The following FBXO4 variants were observed in gnomAD, a reference collection of about 807,000 sequenced individuals.
FBXO4 encodes the protein F-box protein 4.
A neutral mutation model predicts 43.7 loss-of-function variants in FBXO4; 36 were observed. That is an observed-to-expected ratio of 0.82 (90% confidence interval 0.63 to 1.09). FBXO4 has a LOEUF of 1.09. FBXO4 is among the 50% of genes least tolerant of loss of function. The pLI is 0.00. For synonymous variants in FBXO4, 180 were observed against 165.6 expected (o/e 1.09, Z -0.67); for missense variants, 435 against 474.1 (o/e 0.92, Z 0.77).
chr5:41,954,762 G>A, the FBXO4 span, among the ~76,000 whole-genome samples: 1 of 152,144 alleles, frequency 6.6e-6, no homozygotes, highest in African/African-American at 2.4e-5. Context: ...CTGAAGTGAA[G>A]GGGGTATATC....
chr5:41,926,202 CA>C (rs1300266495), intron 1 of FBXO4, among the ~76,000 whole-genome samples: 1 of 152,158 alleles, frequency 6.6e-6, no homozygotes, highest in African/African-American at 2.4e-5. Flanking sequence ...GTGAAAGCTG[CA>C]GGTTTAGAAT....
chr5:41,979,141 GC>G, the FBXO4 span, among the ~76,000 whole-genome samples: 1 of 152,118 alleles, frequency 6.6e-6, no homozygotes, highest in Non-Finnish European at 1.5e-5. Context: ...TTAGTTTGTG[GC>G]CCACTACTCT....
intron 2 of FBXO4, among the ~76,000 whole-genome samples, chr5:41,927,601 T>C (rs1751548908): frequency 6.6e-6 from 1 of 152,226 alleles, no homozygotes; most frequent in Non-Finnish European, 1.5e-5. Flanking sequence ...CCCTGTTGTT[T>C]GGCAGGGAAG....
chr5:41,932,179 C>A (rs994506175), intron 3 of FBXO4, among the ~76,000 whole-genome samples: 2 of 152,110 alleles, frequency 1.3e-5, no homozygotes, highest in Non-Finnish European at 2.9e-5. Context: ...TTTAAAATTT[C>A]AATTTATGGC....
At chr5:41,977,032 G>A in the FBXO4 span, among the ~76,000 whole-genome samples, 4 of 152,146 alleles carry the variant, frequency 2.6e-5, no homozygotes, top group African/African-American at 9.7e-5. Context: ...GCTGTACCTG[G>A]GTCCTGTTGA....
chr5:42,003,852 T>C, the FBXO4 span, among the ~76,000 whole-genome samples: 2 of 152,128 alleles, frequency 1.3e-5, no homozygotes, highest in Admixed American at 6.6e-5. Flanking sequence ...AAATACCATG[T>C]GACCCAGCGA....
chr5:41,967,109 G>T, the FBXO4 span: 13 of 294,592 alleles, frequency 4.4e-5, no homozygotes, highest in Non-Finnish European at 8.2e-5. Flanking sequence ...GGCTTGAAGT[G>T]CTTTTGGTGA....
the FBXO4 span, among the ~76,000 whole-genome samples, chr5:41,979,277 C>T: frequency 8.5e-5 from 13 of 152,176 alleles, no homozygotes; most frequent in Non-Finnish European, 5.9e-5. Context: ...TTCTTCAGTA[C>T]TCCAGAGGTC....
intron 3 of FBXO4, 117 bp from the exon 4 acceptor site, chr5:41,933,829 A>G (rs1193831062): frequency 2.8e-6 from 2 of 706,586 alleles, no homozygotes; most frequent in East Asian, 2.6e-5. Context: ...AACTCTATGT[A>G]TAAGTTGTTA....
chr5:42,006,887 G>GATATATATATAT, the FBXO4 span, among the ~76,000 whole-genome samples: 2,955 of 78,834 alleles, frequency 0.037, 177 homozygotes, highest in Middle Eastern at 0.051. Context: ...GGTTCATGCT[G>GATATATATATAT]ATATATATAT....
chr5:41,998,408 A>C, the FBXO4 span, among the ~76,000 whole-genome samples: 1 of 152,172 alleles, frequency 6.6e-6, no homozygotes, highest in Non-Finnish European at 1.5e-5. Flanking sequence ...TAAAGTCACT[A>C]ATCCACTCCA....
chr5:41,936,896 G>GT (rs1012766447), intron 5 of FBXO4, among the ~76,000 whole-genome samples: 5 of 151,716 alleles, frequency 3.3e-5, no homozygotes, highest in African/African-American at 7.2e-5. Context: ...GAACCATACA[G>GT]TTTTTTTGTT....
At chr5:41,943,082 G>T (rs752320519), downstream of FBXO4, among the ~76,000 whole-genome samples, 3 of 152,128 alleles carry the variant, frequency 2.0e-5, no homozygotes, top group Non-Finnish European at 4.4e-5. Flanking sequence ...TTTAGGTAAA[G>T]AAATTGAGAC....
the FBXO4 span, among the ~76,000 whole-genome samples, chr5:41,997,420 T>A: frequency 6.6e-6 from 1 of 152,196 alleles, no homozygotes; most frequent in Non-Finnish European, 1.5e-5. Context: ...TCTGAGTTAC[T>A]ATTTTTCTAG....
At chr5:41,976,086 C>T in the FBXO4 span, among the ~76,000 whole-genome samples, 1 of 152,094 alleles carries the variant, frequency 6.6e-6, no homozygotes. Flanking sequence ...TCACTCATCA[C>T]CAGGGGACAG....
chr5:41,989,014 T>C, the FBXO4 span, among the ~76,000 whole-genome samples: 32 of 152,324 alleles, frequency 2.1e-4, no homozygotes, highest in Admixed American at 2.0e-3. Context: ...TAGATTATAA[T>C]GTAAGTCGAA....
intron 1 of FBXO4, 120 bp downstream of exon 1, chr5:41,925,618 A>T: frequency 1.5e-6 from 1 of 676,898 alleles, no homozygotes; most frequent in Non-Finnish European, 2.1e-6. Flanking sequence ...GGCTCCGTCC[A>T]TGCAGCCATT....
At chr5:42,027,199 C>G in the FBXO4 span, among the ~76,000 whole-genome samples, 3 of 151,760 alleles carry the variant, frequency 2.0e-5, no homozygotes, top group Admixed American at 1.3e-4. Context: ...TACTGGAAGA[C>G]TTTTTATTAC....
the FBXO4 span, among the ~76,000 whole-genome samples, chr5:42,010,023 A>G: frequency 6.6e-6 from 1 of 152,170 alleles, no homozygotes; most frequent in Admixed American, 6.6e-5. Flanking sequence ...AGAATCATAC[A>G]GTATTTGTTA....
Sources: gnomAD v4.1 joint callset for allele counts (sites outside exome capture counted in the v4.1 genomes callset) on GRCh38, gnomAD v4.1.1 for gene constraint, MANE v1.5 for transcripts, NCBI Gene and HGNC (gene_info 2026-07-23, HGNC 2026-07-21) for gene names.